Variants in GALNT13 observed in about 807,000 individuals in gnomAD.
GALNT13 encodes the protein UDP-GalNAc:polypeptide N-acetylgalactosaminyltransferase 13.
GALNT13 carries 28 observed loss-of-function variants against 64.2 expected under a neutral mutation model. The ratio of observed to expected loss-of-function variants is 0.44; its 90% CI spans 0.32 to 0.60. The LOEUF is 0.60. Ranked by LOEUF, GALNT13 falls within the 20% of genes least tolerant of loss-of-function variation. The probability of loss-of-function intolerance (pLI) is 0.05; values close to 1 mark genes in which losing one functional copy is unlikely to be tolerated. For synonymous variants in GALNT13, 214 were observed against 224.6 expected (o/e 0.95, Z 0.42); for missense variants, 577 against 669.8 (o/e 0.86, Z 1.53).
chr2:154,258,044 A>G (rs1221452622), intron 7 of GALNT13, among the ~76,000 whole-genome samples: 2 of 152,142 alleles, frequency 1.3e-5, no homozygotes, highest in Admixed American at 1.3e-4. Flanking sequence ...AAGGTGGCTC[A>G]GATACTGCTT....
chr2:154,252,724 AAGATAGATAGATAGATAGAT>A lies in GALNT13; in HGVS notation c.858-6259_858-6240del, dbSNP rs70983713. 8.4e-3 allele frequency among the ~76,000 whole-genome samples: 1,228 copies of A among 146,848 alleles called. 12 individuals carry two copies. The highest frequency in any genetic ancestry group is 0.034 in the South Asian group (154 of 4,560). ...TATAAGGTATATGGACGAATGGAAAAAGATAGATAGATAGATAGATAGATAGATAGATAGATAGATAGATA... is the reference window on the plus strand; with the variant it reads ...TATAAGGTATATGGACGAATGGAAAAAGATAGATAGATAGATAGATAGATA... On this transcript the variant is annotated intron_variant, in intron 7 of 12. Transcript: ENST00000392825.
At chr2:153,749,712 T>TCA in the GALNT13 span, among the ~76,000 whole-genome samples, 1 of 151,998 alleles carries the variant, frequency 6.6e-6, no homozygotes, top group African/African-American at 2.4e-5. Flanking sequence ...GGCGAGTTTT[T>TCA]CAATTCTAAT....
At chr2:154,433,750 C>CAA (rs5835516) in intron 11 of GALNT13, among the ~76,000 whole-genome samples, 19,695 of 144,436 alleles carry the variant, frequency 0.14, 1,456 homozygotes, top group African/African-American at 0.18. Flanking sequence ...ACAGGTTAGC[C>CAA]AAAAAAAAAA....
At chr2:153,291,084 C>G in the GALNT13 span, among the ~76,000 whole-genome samples, 3 of 152,086 alleles carry the variant, frequency 2.0e-5, no homozygotes, top group Non-Finnish European at 4.4e-5. Context: ...CAAAGTTGAT[C>G]TCTGTGGATT....
intron 4 of GALNT13, among the ~76,000 whole-genome samples, chr2:154,161,008 ATC>A (rs1307830731): frequency 6.6e-6 from 1 of 152,182 alleles, no homozygotes; most frequent in East Asian, 1.9e-4. Flanking sequence ...AATTTTTCTT[ATC>A]TCTATGCTTA....
chr2:153,678,507 A>G, the GALNT13 span, among the ~76,000 whole-genome samples: 13 of 152,070 alleles, frequency 8.5e-5, no homozygotes, highest in African/African-American at 2.9e-4. Context: ...GAAGGAAACA[A>G]TAGACATGGG....
chr2:153,301,320 A>AAAAAAAAG, the GALNT13 span, among the ~76,000 whole-genome samples: 1 of 126,664 alleles, frequency 7.9e-6, no homozygotes, highest in Non-Finnish European at 1.7e-5. Flanking sequence ...AAAAAAAAAG[A>AAAAAAAAG]AAAAAAAAAA....
the GALNT13 span, among the ~76,000 whole-genome samples, chr2:153,276,836 A>G: frequency 5.7e-3 from 865 of 152,280 alleles, 8 homozygotes; most frequent in African/African-American, 0.019. Context: ...ATTTTCTCTA[A>G]CTATATAGCT....
chr2:153,540,811 G>C, the GALNT13 span, among the ~76,000 whole-genome samples: 2 of 152,164 alleles, frequency 1.3e-5, no homozygotes, highest in Non-Finnish European at 2.9e-5. Context: ...CTCCCATTTG[G>C]AATGTGTGTA....
chr2:153,506,378 G>A, the GALNT13 span, among the ~76,000 whole-genome samples: 1 of 152,004 alleles, frequency 6.6e-6, no homozygotes, highest in Admixed American at 6.6e-5. Flanking sequence ...TATTCTATTT[G>A]TCATGCTATT....
At chr2:154,223,045 A>G (rs1394913545) in intron 4 of GALNT13, among the ~76,000 whole-genome samples, 1 of 152,166 alleles carries the variant, frequency 6.6e-6, no homozygotes, top group Non-Finnish European at 1.5e-5. Context: ...TCTATTTATT[A>G]AACCAAAAAT....
At chr2:154,283,176 G>A (rs1467478795) in intron 8 of GALNT13, among the ~76,000 whole-genome samples, 1 of 152,098 alleles carries the variant, frequency 6.6e-6, no homozygotes, top group Non-Finnish European at 1.5e-5. Context: ...CAGGCTACTT[G>A]AATATATGGA....
chr2:153,440,737 C>T, the GALNT13 span, among the ~76,000 whole-genome samples: 80 of 152,268 alleles, frequency 5.3e-4, no homozygotes, highest in Middle Eastern at 6.8e-3. Context: ...CTGTTGGCCT[C>T]ATAAATGTCT....
chr2:154,392,639 C>A (rs951364709), intron 9 of GALNT13, among the ~76,000 whole-genome samples: 1 of 152,176 alleles, frequency 6.6e-6, no homozygotes, highest in Non-Finnish European at 1.5e-5. Context: ...AAAAAGCCAG[C>A]CAAGAGCTAT....
chr2:153,093,236 C>CTTTTTTTTTTTTTTTTTTTTTTTTTTTTT, the GALNT13 span, among the ~76,000 whole-genome samples: 1 of 129,010 alleles, frequency 7.8e-6, no homozygotes, highest in Non-Finnish European at 1.6e-5. Flanking sequence ...TTTTTCTTTT[C>CTTTTTTTTTTTTTTTTTTTTTTTTTTTTT]TTTTCTTTTT....
intron 3 of GALNT13, among the ~76,000 whole-genome samples, chr2:153,960,810 TAATACAATAGCACTAAA>T (rs1692890375): frequency 6.6e-6 from 1 of 152,212 alleles, no homozygotes; most frequent in South Asian, 2.1e-4. Context: ...CTGATGTTTA[TAATACAATAGCACTAAA>T]ATATTTTAGT....
chr2:153,393,344 T>G, the GALNT13 span, among the ~76,000 whole-genome samples: 1 of 151,984 alleles, frequency 6.6e-6, no homozygotes, highest in East Asian at 1.9e-4. Context: ...TCTTGTTTCA[T>G]TTTGCTTTTG....
At chr2:153,694,094 T>C in the GALNT13 span, among the ~76,000 whole-genome samples, 1 of 152,050 alleles carries the variant, frequency 6.6e-6, no homozygotes, top group Middle Eastern at 3.4e-3. Context: ...GGGAACAGAG[T>C]GAGACTCCAT....
the GALNT13 span, among the ~76,000 whole-genome samples, chr2:153,823,178 T>A: frequency 2.6e-5 from 4 of 152,158 alleles, no homozygotes; most frequent in Non-Finnish European, 4.4e-5. Flanking sequence ...AAAATCAGTG[T>A]CTTTAAAATA....
Sources: allele counts gnomAD v4.1 joint callset (sites outside exome capture counted in the v4.1 genomes callset), GRCh38; gene constraint gnomAD v4.1.1; transcripts MANE v1.5; gene names NCBI Gene and HGNC (gene_info 2026-07-23, HGNC 2026-07-21).